EPB41L4A: variants seen among roughly 807,000 people sequenced by gnomAD.
EPB41L4A encodes erythrocyte membrane protein band 4.1 like 4A, also known as band 4.1-like protein 4A.
Under a neutral mutation model 108.6 loss-of-function variants are expected in EPB41L4A, and 100 were observed. The ratio of observed to expected loss-of-function variants is 0.92; its 90% CI spans 0.78 to 1.09. EPB41L4A has a LOEUF of 1.09. Ranked by LOEUF, EPB41L4A falls within the 50% of genes least tolerant of loss-of-function variation. The pLI is 0.00. For missense variants in EPB41L4A, 1,030 were observed against 842.7 expected (o/e 1.22, Z -2.75); for synonymous variants, 319 against 289.0 (o/e 1.10, Z -1.05).
At chr5:112,262,750 T>C (rs1268402063) in intron 6 of EPB41L4A, among the ~76,000 whole-genome samples, 169 bp from the exon 7 acceptor site, 1 of 152,246 alleles carries the variant, frequency 6.6e-6, no homozygotes, top group African/African-American at 2.4e-5. Flanking sequence ...GACAAAATTT[T>C]ATACTCTGAA....
chr5:112,301,271 G>C (rs548517015), intron 2 of EPB41L4A, among the ~76,000 whole-genome samples: 8 of 152,180 alleles, frequency 5.3e-5, no homozygotes, highest in African/African-American at 1.7e-4. Context: ...CTTCTCCTTT[G>C]AGTAAACTAT....
intron 12 of EPB41L4A, among the ~76,000 whole-genome samples, chr5:112,152,477 G>A (rs1031559198): frequency 6.6e-6 from 1 of 152,140 alleles, no homozygotes; most frequent in African/African-American, 2.4e-5. Flanking sequence ...TCATGAATGG[G>A]ATTAGTGCCC....
chr5:112,182,141 C>T (rs549911567), intron 18 of EPB41L4A, among the ~76,000 whole-genome samples: 2 of 151,832 alleles, frequency 1.3e-5, no homozygotes, highest in African/African-American at 2.4e-5. Flanking sequence ...AGGAACTTTC[C>T]GGTTAATGGA....
At chr5:112,409,919 G>T (rs563184796) in intron 1 of EPB41L4A, among the ~76,000 whole-genome samples, 1 of 152,200 alleles carries the variant, frequency 6.6e-6, no homozygotes, top group African/African-American at 2.4e-5. Context: ...AGCCAGATTT[G>T]TCTATGACAA....
downstream of EPB41L4A, among the ~76,000 whole-genome samples, chr5:112,159,074 T>C (rs1759753541): frequency 6.6e-6 from 1 of 152,208 alleles, no homozygotes; most frequent in African/African-American, 2.4e-5. Flanking sequence ...AATTATACAT[T>C]TACTAATTCT....
intron 4 of EPB41L4A, among the ~76,000 whole-genome samples, chr5:112,268,412 A>G (rs1752018619): frequency 6.6e-6 from 1 of 152,010 alleles, no homozygotes; most frequent in South Asian, 2.1e-4. Flanking sequence ...TTATAAACAA[A>G]AGAGACAACT....
chr5:112,183,566 A>G (rs773362313), intron 18 of EPB41L4A, among the ~76,000 whole-genome samples: 1 of 152,204 alleles, frequency 6.6e-6, no homozygotes, highest in Non-Finnish European at 1.5e-5. Context: ...GCAAATTCCA[A>G]CACTGAGGTG....
rs144000983 is a variant in EPB41L4A, at chr5:112,389,192, A to G, written c.99+29749T>C. On this transcript the variant is annotated intron_variant, in intron 1 of 22. Transcript: ENST00000261486. ...AAACACAAGAAAATTATTTCATTCA[A>G]AATTTTTACTCCCCTGTATTAGATC... is the stretch of plus-strand genomic sequence containing the variant. 3.9e-5 allele frequency among the ~76,000 whole-genome samples: 6 copies of G among 152,316 alleles called. No individual in the cohort carries two copies. The East Asian group carries it at 1.2e-3, about 29-fold the overall frequency.
intron 1 of EPB41L4A, among the ~76,000 whole-genome samples, chr5:112,307,903 A>T (rs1048579687): frequency 6.6e-6 from 1 of 152,164 alleles, no homozygotes; most frequent in African/African-American, 2.4e-5. Context: ...TTACTCTCAC[A>T]ATGAATACAG....
intron 12 of EPB41L4A, among the ~76,000 whole-genome samples, chr5:112,218,104 C>T (rs1284883671): frequency 6.6e-6 from 1 of 152,156 alleles, no homozygotes; most frequent in Non-Finnish European, 1.5e-5. Context: ...AGACAGTCCT[C>T]CTTGTGGGTC....
chr5:112,320,802 A>G (rs1224197703), intron 1 of EPB41L4A, among the ~76,000 whole-genome samples: 1 of 152,212 alleles, frequency 6.6e-6, no homozygotes, highest in Non-Finnish European at 1.5e-5. Flanking sequence ...AGCACATGGC[A>G]AAAATCAGCA....
intron 1 of EPB41L4A, chr5:112,363,461 T>C (rs1758910330): frequency 6.6e-6 from 1 of 152,366 alleles, no homozygotes; most frequent in African/African-American, 2.4e-5. Flanking sequence ...ATAGGTATCT[T>C]GTTTTCACCT....
In EPB41L4A at chr5:112,180,404, T is replaced by C. The variant is rs544536147; in HGVS notation, c.1622+3612A>G. On this transcript the variant is annotated intron_variant, in intron 18 of 22. Transcript: ENST00000261486. ...AGACAAATAGATCAATGAAACAAAATTGGCCCACATGTGAGCAGTCAATTC... is the reference window on the plus strand; with the variant it reads ...AGACAAATAGATCAATGAAACAAAACTGGCCCACATGTGAGCAGTCAATTC... Among the ~76,000 whole-genome samples, 23 of 152,114 alleles carry C rather than the reference T, an allele frequency of 1.5e-4. 1 individual carries two copies. The highest frequency in any genetic ancestry group is 3.9e-4 in the East Asian group (2 of 5,176).
intron 9 of EPB41L4A, among the ~76,000 whole-genome samples, chr5:112,241,863 G>C (rs940721068): frequency 7.9e-5 from 12 of 152,038 alleles, no homozygotes; most frequent in Admixed American, 2.0e-4. Flanking sequence ...CATATTTTTT[G>C]GCTTCCTAGA....
chr5:112,243,246 T>TAC (rs1242155193), intron 9 of EPB41L4A, among the ~76,000 whole-genome samples: 25 of 146,586 alleles, frequency 1.7e-4, no homozygotes, highest in African/African-American at 5.6e-4. Context: ...TATGTATATA[T>TAC]ACACACACAC....
intron 18 of EPB41L4A, among the ~76,000 whole-genome samples, chr5:112,178,332 A>G (rs148230834): frequency 3.3e-4 from 51 of 152,310 alleles, no homozygotes; most frequent in Admixed American, 8.5e-4. Context: ...AATTAAAGGA[A>G]AAAACAGACA....
chr5:112,419,590 C>T (rs1385078982), upstream of EPB41L4A: 3 of 454,054 alleles, frequency 6.6e-6, no homozygotes, highest in East Asian at 7.0e-5. Flanking sequence ...GGGTCAGATC[C>T]GCCGAGTATG....
At chr5:112,334,631 T>C (rs1272973825) in intron 1 of EPB41L4A, among the ~76,000 whole-genome samples, 2 of 152,154 alleles carry the variant, frequency 1.3e-5, no homozygotes, top group African/African-American at 4.8e-5. Flanking sequence ...CATCATTCCC[T>C]TTGTGCTGTC....
At chr5:112,289,874 G>C (rs887854219) in intron 2 of EPB41L4A, among the ~76,000 whole-genome samples, 23 of 152,234 alleles carry the variant, frequency 1.5e-4, no homozygotes, top group Non-Finnish European at 3.1e-4. Context: ...CATTTTGAGA[G>C]GGCTAGTTAC....
Sources: allele counts gnomAD v4.1 joint callset (sites outside exome capture counted in the v4.1 genomes callset), GRCh38; gene constraint gnomAD v4.1.1; transcripts MANE v1.5; gene names NCBI Gene and HGNC (gene_info 2026-07-23, HGNC 2026-07-21).